The following NAF1 variants were observed in gnomAD, a reference collection of about 807,000 sequenced individuals.
NAF1 encodes the protein nuclear assembly factor 1 ribonucleoprotein.
A neutral mutation model predicts 40.6 loss-of-function variants in NAF1; 11 were observed. The observed-to-expected ratio is 0.27, with a 90% CI of 0.17 to 0.45. NAF1 has a LOEUF of 0.45. Ranked by LOEUF, NAF1 falls within the 20% of genes least tolerant of loss-of-function variation. The pLI is 1.00. For synonymous variants in NAF1, 260 were observed against 228.5 expected, an observed-to-expected ratio of 1.14 and a Z score of -1.24; for missense variants, 607 against 611.1, an observed-to-expected ratio of 0.99 and a Z score of 0.07.
intron 5 of NAF1, among the ~76,000 whole-genome samples, chr4:163,139,555 C>T (rs962324719): frequency 7.2e-5 from 11 of 152,078 alleles, no homozygotes; most frequent in Admixed American, 6.5e-4. Flanking sequence ...CTACAACTAA[C>T]AGCTGGCAAC....
intron 2 of NAF1, among the ~76,000 whole-genome samples, chr4:163,115,207 A>T (rs6825206): frequency 0.63 from 59,085 of 93,708 alleles, 16,247 homozygotes; most frequent in East Asian, 0.75. Context: ...TAATTTTTTT[A>T]TTTATTTTTT....
At chr4:163,109,346 A>G (rs1334615095), downstream of NAF1, among the ~76,000 whole-genome samples, 2 of 152,086 alleles carry the variant, frequency 1.3e-5, no homozygotes, top group Non-Finnish European at 2.9e-5. Flanking sequence ...AAATTCTCTC[A>G]AATGATGCAC....
intron 1 of NAF1, among the ~76,000 whole-genome samples, chr4:163,164,837 G>A (rs998208093): frequency 1.3e-5 from 2 of 152,122 alleles, no homozygotes; most frequent in African/African-American, 4.8e-5. Context: ...AGACAACTTG[G>A]GAAATCCTCA....
At chr4:163,156,057 T>G (rs1013093627) in intron 2 of NAF1, among the ~76,000 whole-genome samples, 4 of 123,292 alleles carry the variant, frequency 3.2e-5, no homozygotes, top group Non-Finnish European at 7.1e-5. Context: ...TTAAAGTATC[T>G]GCCTGGATAC....
At chr4:163,127,121 G>A (rs1730682619), downstream of NAF1, 1 of 1,549,748 alleles carries the variant, frequency 6.5e-7, no homozygotes, top group Non-Finnish European at 8.7e-7. Context: ...TGTACCTGGG[G>A]TAAAGAAATG....
Position 163,166,816 on chromosome 4 carries a change from C to A in NAF1, c.-89G>T. The stretch of plus-strand genomic sequence containing the variant: ...TCCAGAAATAGAAAAACAACTTAGG[C>A]AACCGCAGCAACACTGCCTGGGCCC... On this transcript the variant is annotated 5_prime_UTR_variant, in exon 1 of 8. Transcript: ENST00000274054. 6.6e-7 allele frequency: 1 copy of A among 1,514,422 alleles called. No homozygotes were observed. The highest frequency in any genetic ancestry group is 1.3e-5 in the South Asian group (1 of 76,360). 93.8% of individuals were successfully genotyped at this position (1,514,422 alleles called of 1,614,324 possible).
At chr4:163,139,254 A>G (rs954402950) in intron 5 of NAF1, among the ~76,000 whole-genome samples, 1 of 152,112 alleles carries the variant, frequency 6.6e-6, no homozygotes, top group African/African-American at 2.4e-5. Flanking sequence ...CAACATCTAT[A>G]AAAATGTATC....
intron 2 of NAF1, among the ~76,000 whole-genome samples, chr4:163,153,587 T>C (rs984819602): frequency 2.6e-5 from 4 of 152,168 alleles, no homozygotes; most frequent in Admixed American, 2.6e-4. Context: ...CGACACTCTG[T>C]ATCTAGCTGC....
At chr4:163,117,605 A>G (rs1730378891) in intron 2 of NAF1, 1 of 151,498 alleles carries the variant, frequency 6.6e-6, no homozygotes, top group African/African-American at 2.4e-5. Flanking sequence ...AAAGTAGAGA[A>G]AACCAGAAAG....
intron 2 of NAF1, among the ~76,000 whole-genome samples, chr4:163,153,619 T>C (rs1340751335): frequency 6.6e-6 from 1 of 152,164 alleles, no homozygotes; most frequent in Non-Finnish European, 1.5e-5. Context: ...CTTGGAGAAC[T>C]GGTGTGTCAA....
intron 2 of NAF1, chr4:163,117,542 A>C (rs1254261620): frequency 6.6e-6 from 1 of 151,966 alleles, no homozygotes; most frequent in Non-Finnish European, 1.5e-5. Context: ...CATACTTTCA[A>C]GTAAATCTAA....
intron 4 of NAF1, among the ~76,000 whole-genome samples, chr4:163,142,312 T>A (rs1179373270): frequency 6.6e-6 from 1 of 152,234 alleles, no homozygotes; most frequent in Admixed American, 6.5e-5. Context: ...TTTAAAAATA[T>A]CTTTTAAGTT....
chr4:163,128,631 C>T, downstream of NAF1: 1 of 520,294 alleles, frequency 1.9e-6, no homozygotes, highest in Non-Finnish European at 2.5e-6. Context: ...TATAGTTTAA[C>T]TGGGTGGGGT....
intron 2 of NAF1, among the ~76,000 whole-genome samples, chr4:163,157,713 T>C (rs1732046845): frequency 1.3e-5 from 2 of 152,140 alleles, no homozygotes; most frequent in African/African-American, 4.8e-5. Flanking sequence ...AAGATTATTA[T>C]ATTTTAATTT....
At chr4:163,123,973 T>A (rs1362437366), downstream of NAF1, among the ~76,000 whole-genome samples, 1 of 152,196 alleles carries the variant, frequency 6.6e-6, no homozygotes, top group Non-Finnish European at 1.5e-5. Flanking sequence ...AACTGCATTA[T>A]TTCTCTCTCC....
chr4:163,123,176 A>T (rs1444445871), downstream of NAF1, among the ~76,000 whole-genome samples: 1 of 152,164 alleles, frequency 6.6e-6, no homozygotes. Flanking sequence ...CAGTTATGTC[A>T]CACGGTGAGT....
intron 2 of NAF1, among the ~76,000 whole-genome samples, chr4:163,117,666 C>G (rs1025894124): frequency 1.6e-5 from 2 of 126,586 alleles, no homozygotes; most frequent in African/African-American, 6.5e-5. Context: ...TATTTTTAAA[C>G]TCCCTGGAAG....
chr4:163,166,479 T>TGGCTGC lies in NAF1; in HGVS notation c.243_248dup (p.Gln84_Pro85dup), dbSNP rs768391630. On this transcript the variant is annotated inframe_insertion, in exon 1 of 8. Coordinates refer to ENST00000274054, the MANE Select transcript of NAF1 (RefSeq NM_138386.3). ...AGGCCGGCGATTCAGCCGGTGGCTG[T>TGGCTGC]GGCTGCGGCGCCGGGGTCCCGGCCG... 1.5e-5 allele frequency: 24 copies of TGGCTGC among 1,601,864 alleles called. No homozygotes were observed. The African/African-American group carries it at 2.3e-4, about 15-fold the overall frequency.
chr4:163,165,472 T>C (rs374718938), intron 1 of NAF1, among the ~76,000 whole-genome samples: 1 of 152,232 alleles, frequency 6.6e-6, no homozygotes, highest in Non-Finnish European at 1.5e-5. Context: ...ATGATTATAC[T>C]GCAATCTTAG....
Sources: gnomAD v4.1 joint callset for allele counts (sites outside exome capture counted in the v4.1 genomes callset) on GRCh38, gnomAD v4.1.1 for gene constraint, MANE v1.5 for transcripts, NCBI Gene and HGNC (gene_info 2026-07-23, HGNC 2026-07-21) for gene names.